CACNA1C: variants seen among roughly 807,000 people sequenced by gnomAD.
CACNA1C encodes calcium voltage-gated channel subunit alpha1 C.
In CACNA1C, 30 loss-of-function variants were observed where a neutral mutation model predicts 229.0. That is an observed-to-expected ratio of 0.13 (90% CI 0.10 to 0.18). The LOEUF (loss-of-function observed/expected upper bound fraction) is 0.18. CACNA1C is among the 10% of genes least tolerant of loss of function. The pLI is 1.00. For synonymous variants in CACNA1C, 1,114 were observed against 1,132.5 expected, an observed-to-expected ratio of 0.98 and a Z score of 0.33; for missense variants, 1,658 against 2,845.0, an observed-to-expected ratio of 0.58 and a Z score of 9.49.
In CACNA1C at chr12:2,354,241, C is replaced by G. The variant is rs1012441151; in HGVS notation, c.478-94735C>G. ...GGCTGCCCGAGTCCCTCTGTCCTCG[C>G]ACCCTCACCTGGCTCTCTTGCCTAA... On this transcript the variant is annotated intron_variant, in intron 3 of 46. Transcript: ENST00000399655. This position sits in a 1 kb window ranked among gnomAD's most constrained non-coding sequence, Gnocchi z 4.6. Among the ~76,000 whole-genome samples the G allele has an allele frequency of 7.2e-5, 11 of 152,204 alleles. No individual in the cohort carries two copies. Among genetic ancestry groups the G allele is most frequent in the African/African-American group, 2.4e-4 (10 of 41,452 alleles).
chr12:2,284,025 C>T (rs1019356488), intron 3 of CACNA1C, among the ~76,000 whole-genome samples: 1 of 152,176 alleles, frequency 6.6e-6, no homozygotes, highest in Non-Finnish European at 1.5e-5. Context: ...GCAGTATACC[C>T]GGGTGAGGAG....
intron 3 of CACNA1C, among the ~76,000 whole-genome samples, chr12:2,179,578 A>G (rs191708432): frequency 3.9e-5 from 6 of 152,318 alleles, no homozygotes; most frequent in Admixed American, 2.0e-4. Flanking sequence ...GTTAGAAAAT[A>G]TTATTGCAAT....
chr12:2,127,279 C>T (rs190498593), intron 3 of CACNA1C, among the ~76,000 whole-genome samples: 9 of 152,314 alleles, frequency 5.9e-5, no homozygotes, highest in Non-Finnish European at 8.8e-5. Flanking sequence ...TGAGCCCTAT[C>T]GCCCCCCGTG....
intron 1 of CACNA1C, among the ~76,000 whole-genome samples, chr12:2,066,964 T>C (rs1386244858): frequency 6.6e-6 from 1 of 151,728 alleles, no homozygotes; most frequent in Non-Finnish European, 1.5e-5. Flanking sequence ...GAACGGTCAG[T>C]GGGAAACACT....
intron 1 of CACNA1C, among the ~76,000 whole-genome samples, chr12:2,059,908 A>G (rs2056809002): frequency 1.3e-5 from 2 of 151,730 alleles, no homozygotes; most frequent in Admixed American, 1.3e-4. Flanking sequence ...AGATCTTTCA[A>G]CCTCTCTATT....
chr12:2,331,843 G>T (rs1387945559), intron 3 of CACNA1C, among the ~76,000 whole-genome samples: 1 of 146,984 alleles, frequency 6.8e-6, no homozygotes, highest in Non-Finnish European at 1.5e-5. Context: ...AAAGGTCATG[G>T]TCATGGAAGA....
At chr12:2,186,473 C>T (rs1262013466) in intron 3 of CACNA1C, among the ~76,000 whole-genome samples, 3 of 152,056 alleles carry the variant, frequency 2.0e-5, no homozygotes, top group African/African-American at 4.8e-5. Context: ...GTGCCTGTAC[C>T]CAAGAGAACT....
At chr12:2,202,052 G>C (rs777167073) in intron 3 of CACNA1C, among the ~76,000 whole-genome samples, 5 of 152,226 alleles carry the variant, frequency 3.3e-5, no homozygotes, top group Non-Finnish European at 7.3e-5. Context: ...TCACATGCAA[G>C]AATGTCTTTT....
At chr12:2,532,802 G>T (rs1340815211) in intron 9 of CACNA1C, among the ~76,000 whole-genome samples, 1 of 152,238 alleles carries the variant, frequency 6.6e-6, no homozygotes, top group East Asian at 1.9e-4. Context: ...AGGTCACGGA[G>T]AGGTAGCAGT....
chr12:2,544,365 A>G (rs2099877227), intron 9 of CACNA1C, among the ~76,000 whole-genome samples: 1 of 152,202 alleles, frequency 6.6e-6, no homozygotes, highest in Non-Finnish European at 1.5e-5. Flanking sequence ...AGAAAAACCT[A>G]AGATTTGGGT....
chr12:2,124,276 C>T (rs949720177), intron 3 of CACNA1C, among the ~76,000 whole-genome samples: 4 of 152,084 alleles, frequency 2.6e-5, no homozygotes, highest in Non-Finnish European at 5.9e-5. Flanking sequence ...GGTGGAAGAA[C>T]TGATTCATTT....
chr12:2,392,482 T>C (rs1567418038), intron 3 of CACNA1C, among the ~76,000 whole-genome samples: 1 of 152,190 alleles, frequency 6.6e-6, no homozygotes. Flanking sequence ...AAAAAGCATC[T>C]GATTTGCCAG....
At chr12:2,226,299 C>T (rs769396394) in intron 3 of CACNA1C, among the ~76,000 whole-genome samples, 3 of 152,162 alleles carry the variant, frequency 2.0e-5, no homozygotes, top group Non-Finnish European at 2.9e-5. Context: ...AAAAGACTAG[C>T]TGTCAAGGTA....
intron 1 of CACNA1C, among the ~76,000 whole-genome samples, chr12:2,025,656 A>T (rs1303557787): frequency 6.6e-6 from 1 of 151,840 alleles, no homozygotes; most frequent in Non-Finnish European, 1.5e-5. Context: ...TCCTTTGAAG[A>T]CTCCAATAAC....
intron 1 of CACNA1C, among the ~76,000 whole-genome samples, chr12:2,021,512 C>G (rs189789672): frequency 0.01 from 1,548 of 152,180 alleles, 22 homozygotes; most frequent in African/African-American, 0.035. Flanking sequence ...AACCCCGTCT[C>G]TACTAAAAAT....
At chr12:2,000,135 C>T (rs1253019088) in intron 1 of CACNA1C, among the ~76,000 whole-genome samples, 1 of 152,000 alleles carries the variant, frequency 6.6e-6, no homozygotes, top group Admixed American at 6.5e-5. Context: ...TTTGGCTGTC[C>T]CTAAAGTTTA....
intron 43 of CACNA1C, among the ~76,000 whole-genome samples, chr12:2,684,133 T>C (rs74054704): frequency 7.9e-4 from 120 of 152,304 alleles, no homozygotes; most frequent in African/African-American, 2.8e-3. Context: ...TGCGGCTTCC[T>C]GGGGTCCAGT....
chr12:2,605,043 A>G lies in CACNA1C; in HGVS notation c.2961-38A>G. The G allele has an allele frequency of 6.8e-7, 1 of 1,474,854 alleles. No individual in the cohort carries two copies. The highest frequency in any genetic ancestry group is 1.4e-5 in the African/African-American group (1 of 72,232). The allele number at this position is 1,474,854 out of a possible 1,614,324, so 91.4% of individuals were successfully genotyped here. On this transcript the variant is annotated intron_variant, in intron 22 of 46. Transcript: ENST00000399655. This position sits in a 1 kb window ranked among gnomAD's most constrained non-coding sequence, Gnocchi z 6.2. ...CATTATTTTTGCTCCCCCCAGAAACAGGAGGAGCTTACTACCCTGCCTGTT... is the reference window on the plus strand; with the variant it reads ...CATTATTTTTGCTCCCCCCAGAAACGGGAGGAGCTTACTACCCTGCCTGTT...
intron 3 of CACNA1C, among the ~76,000 whole-genome samples, chr12:2,237,380 G>A (rs1323539222): frequency 6.6e-6 from 1 of 152,230 alleles, no homozygotes; most frequent in Non-Finnish European, 1.5e-5. Flanking sequence ...ACTGAGGCCT[G>A]TGACAGGACC....
Sources: allele counts gnomAD v4.1 joint callset (sites outside exome capture counted in the v4.1 genomes callset), GRCh38; gene constraint gnomAD v4.1.1; non-coding constraint Gnocchi (gnomAD v3.1); transcripts MANE v1.5; gene names NCBI Gene and HGNC (gene_info 2026-07-23, HGNC 2026-07-21).